Variants in FAM20A observed in about 807,000 individuals in gnomAD.
FAM20A encodes pseudokinase FAM20A.
FAM20A carries 42 observed loss-of-function variants against 52.0 expected under a neutral mutation model. That is an observed-to-expected ratio of 0.81 (90% CI 0.63 to 1.04). FAM20A has a LOEUF of 1.04. Ranked by LOEUF, FAM20A falls within the 50% of genes least tolerant of loss-of-function variation. The probability of loss-of-function intolerance (pLI) is 0.00; values close to 1 mark genes in which losing one functional copy is unlikely to be tolerated. For missense variants in FAM20A, 742 were observed against 712.7 expected (o/e 1.04, Z -0.47); for synonymous variants, 304 against 298.9 (o/e 1.02, Z -0.18).
chr17:68,578,353 A>T (rs546429793), intron 1 of FAM20A, among the ~76,000 whole-genome samples: 1 of 152,302 alleles, frequency 6.6e-6, no homozygotes, highest in East Asian at 1.9e-4. Flanking sequence ...CATGGTTCAT[A>T]AGCAAATTTC....
chr17:68,575,660 T>G (rs1430261499), intron 1 of FAM20A, among the ~76,000 whole-genome samples: 2 of 117,502 alleles, frequency 1.7e-5, no homozygotes, highest in African/African-American at 6.6e-5. Flanking sequence ...TTATATATAT[T>G]TTATATTTAT....
chr17:68,591,220 C>T (rs1005296031), intron 1 of FAM20A, among the ~76,000 whole-genome samples: 2 of 152,186 alleles, frequency 1.3e-5, no homozygotes, highest in African/African-American at 2.4e-5. Context: ...CATTCTCCTG[C>T]CTCAGCCTCC....
At chr17:68,540,716 TTC>T (rs1377461216) in intron 8 of FAM20A, 131 bp downstream of exon 8, 2 of 1,161,340 alleles carry the variant, frequency 1.7e-6, no homozygotes, top group Admixed American at 2.0e-5. Flanking sequence ...CCTCCGCCAC[TTC>T]TGAGGCTGTG....
chr17:68,548,604 G>C (rs569332551), intron 4 of FAM20A, among the ~76,000 whole-genome samples: 1 of 152,126 alleles, frequency 6.6e-6, no homozygotes, highest in Non-Finnish European at 1.5e-5. Flanking sequence ...CATGCTGTTG[G>C]GAAAATGACA....
chr17:68,551,805 AGTTTTTG>A, intron 4 of FAM20A, 61 bp downstream of exon 4: 1 of 1,101,644 alleles, frequency 9.1e-7, no homozygotes, highest in Non-Finnish European at 1.4e-6. Context: ...CACTTTTATT[AGTTTTTG>A]GTCCAAATCT....
chr17:68,547,171 T>G (rs1049196545), intron 4 of FAM20A, among the ~76,000 whole-genome samples: 1 of 152,198 alleles, frequency 6.6e-6, no homozygotes, highest in African/African-American at 2.4e-5. Flanking sequence ...GGCCTGAGGA[T>G]GTTTTGAATG....
At chr17:68,564,019 G>A (rs957677268) in intron 1 of FAM20A, among the ~76,000 whole-genome samples, 1 of 152,130 alleles carries the variant, frequency 6.6e-6, no homozygotes, top group African/African-American at 2.4e-5. Flanking sequence ...AGAACTAATC[G>A]GTAGTGCAGT....
At chr17:68,558,226 A>G (rs1278536304) in intron 1 of FAM20A, 6 of 309,620 alleles carry the variant, frequency 1.9e-5, no homozygotes, top group Admixed American at 1.9e-4. Context: ...TCTACCAACA[A>G]CGAGAATGAG....
intron 1 of FAM20A, among the ~76,000 whole-genome samples, chr17:68,563,497 A>T (rs1226703038): frequency 6.6e-6 from 1 of 151,922 alleles, no homozygotes; most frequent in Non-Finnish European, 1.5e-5. Flanking sequence ...CACACCCTGG[A>T]AGGACAGAAT....
intron 3 of FAM20A, among the ~76,000 whole-genome samples, chr17:68,553,275 C>T (rs1383247547): frequency 6.6e-6 from 1 of 152,154 alleles, no homozygotes; most frequent in Non-Finnish European, 1.5e-5. Context: ...TTGTAAGTTT[C>T]CGGAGGCCTC....
At chr17:68,557,163 G>A (rs1166938218) in intron 1 of FAM20A, among the ~76,000 whole-genome samples, 1 of 151,682 alleles carries the variant, frequency 6.6e-6, no homozygotes, top group Non-Finnish European at 1.5e-5. Context: ...TCACGCCACT[G>A]CACTCCAGCC....
At chr17:68,554,402 A>T (rs893803468) in intron 3 of FAM20A, among the ~76,000 whole-genome samples, 2 of 152,120 alleles carry the variant, frequency 1.3e-5, no homozygotes, top group Admixed American at 6.6e-5. Context: ...AGCCCGGCTG[A>T]TTCTAATATT....
intron 1 of FAM20A, among the ~76,000 whole-genome samples, chr17:68,566,852 A>G (rs1321000901): frequency 6.6e-6 from 1 of 152,248 alleles, no homozygotes; most frequent in Non-Finnish European, 1.5e-5. Context: ...ATGAAAATAA[A>G]CGGTCAACAT....
chr17:68,581,358 C>CTTTCTTTCTTTCT (rs2087949516), intron 1 of FAM20A, among the ~76,000 whole-genome samples: 2 of 112,558 alleles, frequency 1.8e-5, no homozygotes, highest in Non-Finnish European at 3.9e-5. Context: ...GTTTTTCTTT[C>CTTTCTTTCTTTCT]TTTCTTTCTT....
rs1568715577 is a variant in FAM20A at position 68,537,569 on chromosome 17, ACCCCTCCAC to A, written c.1525_1533del (p.Val509_Gly511del). Reference sequence around the variant, plus strand: ...CTCTGCTGTCCATGGGCCACTATGCACCCCTCCACTGTCCTTAGGATGGTTTGGAGCCTT... The same window carrying A: ...CTCTGCTGTCCATGGGCCACTATGCATGTCCTTAGGATGGTTTGGAGCCTT... On this transcript the variant is annotated inframe_deletion, in exon 11 of 11. Transcript: ENST00000592554. This position sits in a 1 kb window ranked among gnomAD's most constrained non-coding sequence, Gnocchi z 4.2. 6.2e-7 allele frequency: 1 copy of A among 1,612,852 alleles called. No individual in the cohort carries two copies. The highest frequency in any genetic ancestry group is 8.5e-7 in the Non-Finnish European group (1 of 1,179,224).
intron 1 of FAM20A, among the ~76,000 whole-genome samples, chr17:68,591,235 T>C (rs2088298238): frequency 6.6e-6 from 1 of 152,102 alleles, no homozygotes; most frequent in African/African-American, 2.4e-5. Context: ...GCCTCCCGAG[T>C]AGCTGGGCGC....
At chr17:68,569,803 G>A (rs115535177) in intron 1 of FAM20A, among the ~76,000 whole-genome samples, 28 of 152,256 alleles carry the variant, frequency 1.8e-4, no homozygotes, top group African/African-American at 6.7e-4. Context: ...TTGGCCTGGG[G>A]CACACTTTCC....
Position 68,600,144 on chromosome 17 carries a change from G to A in FAM20A, c.404+119C>T. ...ACACTCTAAGCCCAGCGCCAGGGCT[G>A]GAGCCGTGGGTGGAGCCGCTGCAGC... On this transcript the variant is annotated intron_variant, in intron 1 of 10. Coordinates refer to ENST00000592554, the MANE Select transcript of FAM20A (RefSeq NM_017565.4). The surrounding 1 kb of genome is among the most constrained non-coding windows in gnomAD (Gnocchi z 6.2). 1 of 1,226,104 alleles carries A rather than the reference G, an allele frequency of 8.2e-7. No individual in the cohort carries two copies. The highest frequency in any genetic ancestry group is 1.1e-6 in the Non-Finnish European group (1 of 897,928). The allele number at this position is 1,226,104 out of a possible 1,614,324, so 76.0% of individuals were successfully genotyped here. A position where few individuals can be genotyped will look rare whatever the true frequency, so the allele number is the denominator to read the frequency against.
chr17:68,586,972 C>T (rs1361747146), intron 1 of FAM20A, among the ~76,000 whole-genome samples: 1 of 152,058 alleles, frequency 6.6e-6, no homozygotes, highest in African/African-American at 2.4e-5. Flanking sequence ...TTCACTGCAA[C>T]CTCCGCCTCT....
Sources: gnomAD v4.1 joint callset for allele counts (sites outside exome capture counted in the v4.1 genomes callset) on GRCh38, gnomAD v4.1.1 for gene constraint, Gnocchi (gnomAD v3.1) non-coding constraint, MANE v1.5 for transcripts, NCBI Gene and HGNC (gene_info 2026-07-23, HGNC 2026-07-21) for gene names.